Variants in EXD3 observed in about 807,000 individuals in gnomAD.
The protein encoded by EXD3 is exonuclease mut-7 homolog.
EXD3 carries 92 observed loss-of-function variants against 98.0 expected under a neutral mutation model. That is an observed-to-expected ratio of 0.94 (90% CI 0.79 to 1.12). The LOEUF (loss-of-function observed/expected upper bound fraction) is 1.12, where lower values mean the gene tolerates loss of function less well. Among genes scored for constraint, EXD3 ranks in the 50% most tolerant of loss-of-function variants. EXD3 has a pLI of 0.00. For missense variants in EXD3, 1,222 were observed against 1,191.6 expected (o/e 1.03, Z -0.38); for synonymous variants, 569 against 526.0 (o/e 1.08, Z -1.12).
intron 19 of EXD3, among the ~76,000 whole-genome samples, chr9:137,318,363 G>A (rs560346344): frequency 6.6e-6 from 1 of 152,180 alleles, no homozygotes; most frequent in African/African-American, 2.4e-5. Flanking sequence ...CTCTGCCCGG[G>A]AGCCCTCGGA....
At chr9:137,354,263 G>C (rs1834485734) in intron 10 of EXD3, 76 bp downstream of exon 10, 1 of 1,575,880 alleles carries the variant, frequency 6.3e-7, no homozygotes, top group African/African-American at 1.3e-5. Flanking sequence ...ACTTCCACCA[G>C]GAGGCTCCGG....
intron 7 of EXD3, among the ~76,000 whole-genome samples, chr9:137,358,874 C>T (rs139024780): frequency 0.017 from 2,576 of 151,230 alleles, 61 homozygotes; most frequent in African/African-American, 0.051. Context: ...TTTGTAGAGA[C>T]GGGGTTTTGT....
rs1837785369 is a variant in EXD3, at chr9:137,407,526, C to T, written c.-47-12122G>A. Among the ~76,000 whole-genome samples, 1 of 152,206 alleles carries T rather than the reference C, an allele frequency of 6.6e-6. No homozygotes were observed. The highest frequency in any genetic ancestry group is 2.4e-5 in the African/African-American group (1 of 41,464). ...AGCCCCACAACCCAGAACCCAGCGT[C>T]CCCGCCCCCATCTCCCGGGATCCCT... On this transcript the variant is annotated intron_variant, in intron 1 of 21. Transcript: ENST00000340951. This position sits in a 1 kb window ranked among gnomAD's most constrained non-coding sequence, Gnocchi z 4.4.
chr9:137,355,563 G>GGAGGAT (rs1564508527), intron 8 of EXD3, among the ~76,000 whole-genome samples: 1 of 4,050 alleles, frequency 2.5e-4, no homozygotes, highest in African/African-American at 7.3e-4. Context: ...GAAGGAGGAA[G>GGAGGAT]GGAGGATGGA....
chr9:137,415,200 GT>G (rs367864696), intron 1 of EXD3, among the ~76,000 whole-genome samples: 2,949 of 140,794 alleles, frequency 0.021, 83 homozygotes, highest in African/African-American at 0.061. Flanking sequence ...TCACAGGTTT[GT>G]TTTTTTTTTT....
chr9:137,352,935 T>C lies in EXD3; in HGVS notation c.871-149A>G, dbSNP rs996366289. ...AGCCGTCCACCTGAGGCCTGCAGCA[T>C]CTGTCCTGCCTGAGGTCAAGGTTCC... On this transcript the variant is annotated intron_variant, in intron 10 of 21. Coordinates refer to ENST00000340951, the MANE Select transcript of EXD3 (RefSeq NM_017820.5). The C allele has an allele frequency of 2.8e-6, 4 of 1,428,248 alleles. No homozygotes were observed. In the East Asian group the frequency reaches 7.8e-5, roughly 28 times the overall value. The allele number at this position is 1,428,248 out of a possible 1,614,324, so 88.5% of individuals were successfully genotyped here.
chr9:137,420,746 C>G (rs60500880), intron 1 of EXD3, among the ~76,000 whole-genome samples: 26 of 147,890 alleles, frequency 1.8e-4, no homozygotes, highest in East Asian at 8.0e-4. Flanking sequence ...CACCCCCCCC[C>G]CCAAATTCAT....
At chr9:137,307,673 C>T (rs527485388) in intron 20 of EXD3, 27 bp from the exon 21 acceptor site, 46 of 1,606,958 alleles carry the variant, frequency 2.9e-5, no homozygotes, top group South Asian at 1.1e-4. Context: ...AGAGCTGGTC[C>T]GGGACTGTCC....
At chr9:137,350,324 G>A (rs558904434) in intron 14 of EXD3, among the ~76,000 whole-genome samples, 12 of 87,790 alleles carry the variant, frequency 1.4e-4, no homozygotes, top group African/African-American at 4.8e-4. Context: ...TGGGGATCAC[G>A]GGGAAGGTTC....
intron 2 of EXD3, among the ~76,000 whole-genome samples, chr9:137,388,198 C>T (rs893396061): frequency 6.7e-6 from 1 of 150,354 alleles, no homozygotes; most frequent in Non-Finnish European, 1.5e-5. Context: ...GGTGCCCACA[C>T]TGGCTTCCCC....
intron 7 of EXD3, among the ~76,000 whole-genome samples, chr9:137,362,157 C>T (rs914863753): frequency 2.6e-5 from 4 of 152,292 alleles, no homozygotes; most frequent in Non-Finnish European, 5.9e-5. Context: ...ATTCCAAGCT[C>T]ATTCTATCAG....
intron 19 of EXD3, among the ~76,000 whole-genome samples, chr9:137,314,943 G>A (rs1406157628): frequency 1.3e-5 from 2 of 152,212 alleles, no homozygotes; most frequent in Non-Finnish European, 2.9e-5. Flanking sequence ...CCAGGGACAC[G>A]GGCGTCTGCA....
intron 14 of EXD3, 110 bp downstream of exon 14, chr9:137,350,928 G>A (rs1834264437): frequency 2.4e-6 from 2 of 827,090 alleles, no homozygotes; most frequent in Non-Finnish European, 3.8e-6. Flanking sequence ...GTGCTGACAG[G>A]AATCCGGCGG....
intron 10 of EXD3, chr9:137,353,449 T>C: frequency 1.0e-6 from 1 of 984,838 alleles, no homozygotes; most frequent in Non-Finnish European, 1.2e-6. Flanking sequence ...TCCTCCTCAT[T>C]ATGTGGGGTT....
chr9:137,320,214 G>A (rs564335284), intron 19 of EXD3, among the ~76,000 whole-genome samples: 1 of 151,892 alleles, frequency 6.6e-6, no homozygotes, highest in Non-Finnish European at 1.5e-5. Context: ...CAGCCCCCCC[G>A]CCCCTTCCCC....
In EXD3 at chr9:137,351,030, G is replaced by T; in HGVS notation, c.1494+8C>A. The T allele has an allele frequency of 6.4e-7, 1 of 1,553,238 alleles. No homozygotes were observed. Among genetic ancestry groups the T allele is most frequent in the Non-Finnish European group, 8.7e-7 (1 of 1,148,708 alleles). Reference sequence around the variant, plus strand: ...CGGCATCTTGTGAGCGGCTCAGTGGGTGCCCACCTGTCTGTGCACCAGCAG... The same window carrying T: ...CGGCATCTTGTGAGCGGCTCAGTGGTTGCCCACCTGTCTGTGCACCAGCAG... On this transcript the variant is annotated splice_region_variant and intron_variant, in intron 14 of 21. Coordinates refer to ENST00000340951, the MANE Select transcript of EXD3 (RefSeq NM_017820.5).
At chr9:137,320,943 G>A (rs1300451527) in intron 19 of EXD3, among the ~76,000 whole-genome samples, 2 of 152,246 alleles carry the variant, frequency 1.3e-5, no homozygotes, top group Non-Finnish European at 2.9e-5. Flanking sequence ...CAGCGGACGC[G>A]GTTCCTGCCG....
chr9:137,414,181 T>G (rs1348901813), intron 1 of EXD3, among the ~76,000 whole-genome samples: 1 of 152,088 alleles, frequency 6.6e-6, no homozygotes, highest in Non-Finnish European at 1.5e-5. Flanking sequence ...CCTCCCAAAG[T>G]GCTGGGATTA....
At position 137,407,155 on chromosome 9, in the gene EXD3, C is replaced by G. The variant is rs913411996; in HGVS notation, c.-47-11751G>C. Among the ~76,000 whole-genome samples the G allele has an allele frequency of 3.3e-5, 5 of 152,196 alleles. No individual in the cohort carries two copies. The highest frequency in any genetic ancestry group is 1.2e-4 in the African/African-American group (5 of 41,470). ...CCGACCGCCGCGCGTCCGGGCCGGT[C>G]TCTGGGCCCCTCTGCTGGTGGAACC... On this transcript the variant is annotated intron_variant, in intron 1 of 21. Coordinates refer to ENST00000340951, the MANE Select transcript of EXD3 (RefSeq NM_017820.5). The surrounding 1 kb of genome is among the most constrained non-coding windows in gnomAD (Gnocchi z 4.4).
Sources: allele counts gnomAD v4.1 joint callset (sites outside exome capture counted in the v4.1 genomes callset), GRCh38; gene constraint gnomAD v4.1.1; non-coding constraint Gnocchi (gnomAD v3.1); transcripts MANE v1.5; gene names NCBI Gene and HGNC (gene_info 2026-07-23, HGNC 2026-07-21).